The following SLCO1C1 variants were observed in gnomAD, a reference collection of about 807,000 sequenced individuals.
The protein encoded by SLCO1C1 is OAT-RP-5.
SLCO1C1 carries 70 observed loss-of-function variants against 76.4 expected under a neutral mutation model. That is an observed-to-expected ratio of 0.92 (90% CI 0.76 to 1.12). SLCO1C1 has a LOEUF of 1.12. Ranked by LOEUF, SLCO1C1 falls within the 50% of genes most tolerant of loss-of-function variation. SLCO1C1 has a pLI of 0.00. For synonymous variants in SLCO1C1, 306 were observed against 286.1 expected, an observed-to-expected ratio of 1.07 and a Z score of -0.70; for missense variants, 912 against 823.8, an observed-to-expected ratio of 1.11 and a Z score of -1.31.
At position 20,737,244 on chromosome 12, in the gene SLCO1C1, A is replaced by C. The variant is rs1948593056; in HGVS notation, c.1520A>C (p.Gln507Pro). ...TYVSACLAGC[Q>P]TSNRSGKNII... is the part of the protein sequence containing the mutation. ...GTATCAGCTTGTCTTGCTGGTTGTC[A>C]AACCTCCAACAGGAGTGGAAAAAAT... Residue 507 changes from glutamine (Q) to proline (P), a missense_variant, in exon 11 of 15, where the codon CAA becomes CCA. Transcript: ENST00000266509. 1 of 1,568,080 alleles carries C rather than the reference A, an allele frequency of 6.4e-7. No individual in the cohort carries two copies. The highest frequency in any genetic ancestry group is 2.1e-5 in the Admixed American group (1 of 48,508).
At chr12:20,733,165 T>G (rs930572781) in intron 10 of SLCO1C1, 61 bp downstream of exon 10, 7 of 1,425,776 alleles carry the variant, frequency 4.9e-6, no homozygotes, top group Non-Finnish European at 6.5e-6. Flanking sequence ...CAATTATTGG[T>G]GGAGTTGCAA....
At chr12:20,696,133 G>A (rs3751218) in intron 1 of SLCO1C1, among the ~76,000 whole-genome samples, 83,812 of 151,966 alleles carry the variant, frequency 0.55, 23,933 homozygotes, top group East Asian at 0.74. Flanking sequence ...GAAAAAGTAC[G>A]TACATTACTC....
Position 20,750,725 on chromosome 12 carries a change from C to A in SLCO1C1, c.1849C>A (p.Leu617Ile). 1 of 1,613,972 alleles carries A rather than the reference C, an allele frequency of 6.2e-7. No individual in the cohort carries two copies. The highest frequency in any genetic ancestry group is 8.5e-7 in the Non-Finnish European group (1 of 1,179,936). ...YFGVLIDTSCLKWGFKRCGSR... is the reference protein window; with the variant it reads ...YFGVLIDTSCIKWGFKRCGSR... ...TGGAGTTTTGATTGATACTTCATGCCTCAAATGGGGATTTAAAAGATGTGG... is the reference window on the plus strand; with the variant it reads ...TGGAGTTTTGATTGATACTTCATGCATCAAATGGGGATTTAAAAGATGTGG... The change falls in exon 14 of 15, where the codon CTC becomes ATC. Residue 617 changes from leucine (L) to isoleucine (I), a missense_variant. Leu to Ile is a conservative substitution (Grantham distance 5, BLOSUM62 2). Coordinates refer to ENST00000266509, the MANE Select transcript of SLCO1C1 (RefSeq NM_017435.5).
intron 9 of SLCO1C1, among the ~76,000 whole-genome samples, chr12:20,731,125 T>G (rs1278642641): frequency 6.6e-6 from 1 of 152,166 alleles, no homozygotes; most frequent in Non-Finnish European, 1.5e-5. Flanking sequence ...TCCCCTATAT[T>G]CCTTTGTATC....
At chr12:20,728,734 G>C (rs548493094) in intron 9 of SLCO1C1, among the ~76,000 whole-genome samples, 7 of 151,936 alleles carry the variant, frequency 4.6e-5, no homozygotes, top group African/African-American at 1.7e-4. Flanking sequence ...GGAAATCAAA[G>C]TTTCTAGCTT....
chr12:20,707,044 A>G (rs1946814285), intron 4 of SLCO1C1, among the ~76,000 whole-genome samples: 1 of 74,944 alleles, frequency 1.3e-5, no homozygotes, highest in African/African-American at 5.9e-5. Context: ...ATGTAAGTAC[A>G]GTCAGATTTT....
intron 1 of SLCO1C1, among the ~76,000 whole-genome samples, chr12:20,699,289 A>T (rs188501507): frequency 6.6e-6 from 1 of 152,140 alleles, no homozygotes; most frequent in Non-Finnish European, 1.5e-5. Context: ...TCCAAAGGCA[A>T]CACTTAAATT....
chr12:20,704,119 A>G (rs1946665318), intron 3 of SLCO1C1, among the ~76,000 whole-genome samples: 1 of 151,428 alleles, frequency 6.6e-6, no homozygotes, highest in African/African-American at 2.4e-5. Flanking sequence ...TAATTTTTAT[A>G]TCCAATTTCA....
intron 5 of SLCO1C1, among the ~76,000 whole-genome samples, chr12:20,712,299 C>A (rs1211331109): frequency 6.6e-6 from 1 of 152,158 alleles, no homozygotes; most frequent in Admixed American, 6.5e-5. Context: ...TGGGAATATT[C>A]TCTTCTATAT....
intron 12 of SLCO1C1, among the ~76,000 whole-genome samples, chr12:20,741,513 C>T (rs889925504): frequency 6.6e-6 from 1 of 151,992 alleles, no homozygotes; most frequent in African/African-American, 2.4e-5. Context: ...ATTTGATAAC[C>T]AACATCACCT....
chr12:20,724,437 A>G (rs1565523682), intron 9 of SLCO1C1, among the ~76,000 whole-genome samples: 11 of 125,782 alleles, frequency 8.7e-5, no homozygotes, highest in African/African-American at 3.3e-4. Context: ...ATATATATAT[A>G]TATATATATA....
At chr12:20,724,739 A>G (rs2120773933) in intron 9 of SLCO1C1, among the ~76,000 whole-genome samples, 1 of 147,900 alleles carries the variant, frequency 6.8e-6, no homozygotes, top group East Asian at 1.9e-4. Flanking sequence ...ATGCTATGTC[A>G]TATCTTATTA....
At chr12:20,710,786 G>A (rs1413694093) in intron 4 of SLCO1C1, among the ~76,000 whole-genome samples, 1 of 152,028 alleles carries the variant, frequency 6.6e-6, no homozygotes, top group East Asian at 1.9e-4. Flanking sequence ...GTATTCTGAT[G>A]GCAATACATT....
At chr12:20,714,321 G>C (rs1459982835) in intron 5 of SLCO1C1, among the ~76,000 whole-genome samples, 2 of 152,200 alleles carry the variant, frequency 1.3e-5, no homozygotes, top group Non-Finnish European at 2.9e-5. Context: ...ACATTCAGCA[G>C]TGATGATTGT....
Position 20,753,152 on chromosome 12 carries a change from T to G in SLCO1C1, c.*624T>G, listed in dbSNP as rs1949385839. ...AGCTCTCCTACTATTAATTTACATGTGCTTTTTGTGTGGCGCTATAAGTGA... is the reference window on the plus strand; with the variant it reads ...AGCTCTCCTACTATTAATTTACATGGGCTTTTTGTGTGGCGCTATAAGTGA... On this transcript the variant is annotated 3_prime_UTR_variant, in exon 15 of 15. Coordinates refer to ENST00000266509, the MANE Select transcript of SLCO1C1 (RefSeq NM_017435.5). The G allele has an allele frequency of 6.6e-6, 1 of 152,232 alleles. No individual in the cohort carries two copies. The highest frequency in any genetic ancestry group is 2.1e-4 in the South Asian group (1 of 4,834). 9.4% of individuals were successfully genotyped at this position (152,232 alleles called of 1,614,324 possible). A position where few individuals can be genotyped will look rare whatever the true frequency, so the allele number is the denominator to read the frequency against.
At position 20,740,329 on chromosome 12, in the gene SLCO1C1, T is replaced by C. The variant is rs1447800884; in HGVS notation, c.1694T>C (p.Leu565Ser). 6.2e-7 allele frequency: 1 copy of C among 1,613,582 alleles called. No homozygotes were observed. The highest frequency in any genetic ancestry group is 1.7e-5 in the Admixed American group (1 of 59,928). The change falls in exon 12 of 15, where the codon TTA becomes TCA. Residue 565 changes from leucine to serine, a missense_variant. Coordinates refer to ENST00000266509, the MANE Select transcript of SLCO1C1 (RefSeq NM_017435.5). ...ATTTCAGTCATCACATCCTATACTT[T>C]ATCCCTAGGTGGCATACCTGGATAC... is the stretch of plus-strand genomic sequence containing the variant. Reference protein sequence around the residue: ...LVISVITSYTLSLGGIPGYIL... With the variant: ...LVISVITSYTSSLGGIPGYIL...
At position 20,752,884 on chromosome 12, in the gene SLCO1C1, T is replaced by C. The variant is rs141501475; in HGVS notation, c.*356T>C. ...TTAAAGTAATTTCTGAACTGTGTAATGTGTCTAGAGTAAGCAAATACTGCT... is the reference window on the plus strand; with the variant it reads ...TTAAAGTAATTTCTGAACTGTGTAACGTGTCTAGAGTAAGCAAATACTGCT... On this transcript the variant is annotated 3_prime_UTR_variant, in exon 15 of 15. Transcript: ENST00000266509. 1.1e-3 allele frequency: 172 copies of C among 160,530 alleles called. No individual in the cohort carries two copies. Among genetic ancestry groups the C allele is most frequent in the African/African-American group, 4.0e-3 (167 of 41,736 alleles). The allele number at this position is 160,530 out of a possible 1,614,324, so 9.9% of individuals were successfully genotyped here.
rs141364027 is a variant in SLCO1C1, at chr12:20,721,083, C to A, written c.776-721C>A. On this transcript the variant is annotated intron_variant, in intron 7 of 14. Coordinates refer to ENST00000266509, the MANE Select transcript of SLCO1C1 (RefSeq NM_017435.5). The stretch of plus-strand genomic sequence containing the variant: ...AAGTGAATGGCTTCTTGAGATGGAA[C>A]CTACTCCTGATGAAGATGCTGTGAA... Among the ~76,000 whole-genome samples the A allele has an allele frequency of 3.2e-3, 480 of 150,648 alleles. 4 individuals carry two copies. In the Middle Eastern group the frequency reaches 0.041, roughly 13 times the overall value.
chr12:20,740,902 T>C (rs1334838915), intron 12 of SLCO1C1, among the ~76,000 whole-genome samples: 1 of 149,254 alleles, frequency 6.7e-6, no homozygotes, highest in Non-Finnish European at 1.5e-5. Flanking sequence ...TCCTAATCTA[T>C]GATGTTAATG....
Sources: gnomAD v4.1 joint callset for allele counts (sites outside exome capture counted in the v4.1 genomes callset) on GRCh38, gnomAD v4.1.1 for gene constraint, MANE v1.5 for transcripts, NCBI Gene and HGNC (gene_info 2026-07-23, HGNC 2026-07-21) for gene names.